Variants in WWOX observed in about 807,000 individuals in gnomAD.
The protein encoded by WWOX is WW domain-containing oxidoreductase.
Under a neutral mutation model 46.2 loss-of-function variants are expected in WWOX, and 69 were observed. The ratio of observed to expected loss-of-function variants is 1.49; its 90% CI spans 1.23 to 1.82. The LOEUF is 1.82. Among genes scored for constraint, WWOX ranks in the 40% most tolerant of loss-of-function variants. WWOX has a pLI of 0.00. For synonymous variants in WWOX, 359 were observed against 202.6 expected (o/e 1.77, Z -6.56); for missense variants, 919 against 542.6 (o/e 1.69, Z -6.89).
At chr16:78,688,821 G>T (rs1203735964) in intron 8 of WWOX, among the ~76,000 whole-genome samples, 1 of 152,192 alleles carries the variant, frequency 6.6e-6, no homozygotes, top group Non-Finnish European at 1.5e-5. Context: ...GAGGGACCCA[G>T]TGGGAGGTGA....
chr16:79,196,896 G>A (rs976565849), intron 8 of WWOX, among the ~76,000 whole-genome samples: 5 of 152,092 alleles, frequency 3.3e-5, no homozygotes, highest in Admixed American at 6.5e-5. Flanking sequence ...AATGCATTTC[G>A]GGAGTTCGGT....
intron 8 of WWOX, among the ~76,000 whole-genome samples, chr16:79,046,599 C>A (rs2048069947): frequency 6.6e-6 from 1 of 152,090 alleles, no homozygotes; most frequent in Non-Finnish European, 1.5e-5. Context: ...TCTCCCAGTT[C>A]CTCCCCAGTA....
intron 8 of WWOX, among the ~76,000 whole-genome samples, chr16:78,725,070 G>C (rs11647491): frequency 0.32 from 48,089 of 151,972 alleles, 8,065 homozygotes; most frequent in South Asian, 0.44. Context: ...CCGGGTGGGA[G>C]AATATTGAAT....
At chr16:78,793,439 T>A (rs934534035) in intron 8 of WWOX, among the ~76,000 whole-genome samples, 3 of 152,166 alleles carry the variant, frequency 2.0e-5, no homozygotes, top group Non-Finnish European at 4.4e-5. Context: ...GAATACAAAT[T>A]GAACATTGAC....
At chr16:78,141,430 C>CTTCTTTTT in intron 4 of WWOX, among the ~76,000 whole-genome samples, 1 of 118,964 alleles carries the variant, frequency 8.4e-6, no homozygotes, top group Non-Finnish European at 1.7e-5. Flanking sequence ...CATCCCCCTT[C>CTTCTTTTT]TTTTTTTTTT....
At chr16:78,164,099 A>T (rs1247112705) in intron 4 of WWOX, 84 bp from the exon 5 acceptor site, 3 of 1,260,676 alleles carry the variant, frequency 2.4e-6, no homozygotes, top group Admixed American at 1.9e-5. Context: ...GGGTAATTTA[A>T]GTGGTGCTCC....
chr16:78,671,507 C>T (rs1418235987), intron 8 of WWOX, among the ~76,000 whole-genome samples: 1 of 152,100 alleles, frequency 6.6e-6, no homozygotes, highest in African/African-American at 2.4e-5. Flanking sequence ...GTATAGATAA[C>T]TTGTGATGGT....
At chr16:78,971,550 G>C (rs1037395878) in intron 8 of WWOX, among the ~76,000 whole-genome samples, 24 of 151,886 alleles carry the variant, frequency 1.6e-4, no homozygotes, top group African/African-American at 4.1e-4. Context: ...GCACTCTAAT[G>C]GATCCCTGAC....
intron 5 of WWOX, chr16:78,166,915 G>A (rs1030527602): frequency 2.0e-5 from 3 of 152,158 alleles, no homozygotes; most frequent in Non-Finnish European, 2.9e-5. Context: ...AGTGTAGACA[G>A]ACAACTGCTG....
chr16:79,155,536 A>G (rs1418326512), intron 8 of WWOX, among the ~76,000 whole-genome samples: 5 of 152,110 alleles, frequency 3.3e-5, no homozygotes, highest in Non-Finnish European at 7.3e-5. Flanking sequence ...TAGACCATAA[A>G]AAAACAGCAG....
intron 8 of WWOX, among the ~76,000 whole-genome samples, chr16:78,810,797 A>AG (rs1268268722): frequency 1.3e-5 from 2 of 152,148 alleles, no homozygotes; most frequent in Admixed American, 6.5e-5. Context: ...CATCTTATGC[A>AG]GGGGGGAAAA....
chr16:78,297,185 C>G (rs1183435805), intron 5 of WWOX, among the ~76,000 whole-genome samples: 5 of 152,124 alleles, frequency 3.3e-5, no homozygotes, highest in Non-Finnish European at 1.5e-5. Context: ...AGACCTTTCC[C>G]TCCCATCCAG....
At chr16:78,420,156 C>T (rs999163863) in intron 6 of WWOX, among the ~76,000 whole-genome samples, 1 of 152,068 alleles carries the variant, frequency 6.6e-6, no homozygotes, top group African/African-American at 2.4e-5. Context: ...AGTTCAAATA[C>T]AGTCCTGGCG....
At chr16:78,519,836 C>T (rs1247530967) in intron 8 of WWOX, among the ~76,000 whole-genome samples, 1 of 152,100 alleles carries the variant, frequency 6.6e-6, no homozygotes, top group Non-Finnish European at 1.5e-5. Context: ...ACTTCCAGCC[C>T]CCAGAACTGT....
chr16:78,377,285 T>C (rs1239318505), intron 5 of WWOX, among the ~76,000 whole-genome samples: 1 of 152,248 alleles, frequency 6.6e-6, no homozygotes, highest in Non-Finnish European at 1.5e-5. Flanking sequence ...TTCAACTGTG[T>C]ATAAAACTAG....
intron 8 of WWOX, among the ~76,000 whole-genome samples, chr16:78,690,522 A>T (rs1415910575): frequency 2.6e-5 from 4 of 152,310 alleles, no homozygotes; most frequent in Admixed American, 2.0e-4. Context: ...ACTGTACTGC[A>T]GCCTGGGCGA....
chr16:78,120,219 G>C (rs891005790), intron 4 of WWOX, among the ~76,000 whole-genome samples: 12 of 152,080 alleles, frequency 7.9e-5, no homozygotes, highest in African/African-American at 1.4e-4. Context: ...GGTATAAAAA[G>C]TACGTGCTCA....
chr16:78,924,486 C>T (rs1242290446), intron 8 of WWOX, among the ~76,000 whole-genome samples: 3 of 152,166 alleles, frequency 2.0e-5, no homozygotes, highest in African/African-American at 7.2e-5. Flanking sequence ...GTCTTCGCTG[C>T]AGGCTACTTG....
At chr16:79,031,709 G>GT (rs1201480472) in intron 8 of WWOX, among the ~76,000 whole-genome samples, 4 of 145,408 alleles carry the variant, frequency 2.8e-5, no homozygotes, top group African/African-American at 7.5e-5. Flanking sequence ...ATTTTTTCTA[G>GT]TTTTTTTGTT....
Sources: allele counts gnomAD v4.1 joint callset (sites outside exome capture counted in the v4.1 genomes callset), GRCh38; gene constraint gnomAD v4.1.1; transcripts MANE v1.5; gene names NCBI Gene and HGNC (gene_info 2026-07-23, HGNC 2026-07-21).